Variants in DLGAP2 observed in about 807,000 individuals in gnomAD.
DLGAP2 encodes DLG associated protein 2.
Under a neutral mutation model 100.3 loss-of-function variants are expected in DLGAP2, and 26 were observed. The observed-to-expected ratio is 0.26, with a 90% confidence interval of 0.19 to 0.36. The LOEUF is 0.36. Ranked by LOEUF, DLGAP2 falls within the 10% of genes least tolerant of loss-of-function variation. DLGAP2 has a pLI of 1.00. For missense variants in DLGAP2, 1,858 were observed against 1,453.2 expected, an observed-to-expected ratio of 1.28 and a Z score of -4.53; for synonymous variants, 886 against 630.1, an observed-to-expected ratio of 1.41 and a Z score of -6.08.
intron 1 of DLGAP2, 186 bp downstream of exon 1, chr8:738,011 C>T (rs1188673449): frequency 6.3e-6 from 2 of 315,158 alleles, no homozygotes; most frequent in Non-Finnish European, 5.8e-6. Flanking sequence ...AGCCTGTGCT[C>T]GGGGGTCGCG....
At chr8:935,952 A>G (rs1335616432) in intron 2 of DLGAP2, among the ~76,000 whole-genome samples, 6 of 152,226 alleles carry the variant, frequency 3.9e-5, no homozygotes, top group Admixed American at 6.5e-5. Flanking sequence ...ACATTTAACA[A>G]TGATTGTTTC....
chr8:1,577,789 A>T (rs1009246818), intron 6 of DLGAP2, among the ~76,000 whole-genome samples: 2 of 152,058 alleles, frequency 1.3e-5, no homozygotes, highest in African/African-American at 4.8e-5. Context: ...CCACAGGGGC[A>T]CACAGCATGC....
chr8:1,131,728 G>T (rs1585090024), intron 2 of DLGAP2, among the ~76,000 whole-genome samples: 1 of 152,154 alleles, frequency 6.6e-6, no homozygotes, highest in African/African-American at 2.4e-5. Flanking sequence ...TTGGGGTTCT[G>T]GTAAGATATG....
At chr8:1,285,473 A>T (rs945328738) in intron 3 of DLGAP2, among the ~76,000 whole-genome samples, 6 of 152,180 alleles carry the variant, frequency 3.9e-5, no homozygotes, top group Non-Finnish European at 7.3e-5. Context: ...CCTGTCCTGG[A>T]GATGATGGAA....
At chr8:1,376,098 G>T (rs925740707) in intron 3 of DLGAP2, among the ~76,000 whole-genome samples, 1 of 139,858 alleles carries the variant, frequency 7.2e-6, no homozygotes, top group South Asian at 2.2e-4. Context: ...TTGGGTTAAC[G>T]ACACCTCTCC....
chr8:1,654,499 T>A (rs775712823), intron 8 of DLGAP2, among the ~76,000 whole-genome samples: 3 of 151,594 alleles, frequency 2.0e-5, no homozygotes, highest in Non-Finnish European at 4.4e-5. Flanking sequence ...CCATCTCTAC[T>A]AAAGATACAA....
intron 2 of DLGAP2, among the ~76,000 whole-genome samples, chr8:924,206 T>G (rs1406518670): frequency 1.3e-5 from 2 of 152,162 alleles, no homozygotes; most frequent in Non-Finnish European, 2.9e-5. Context: ...CCACTGCTGA[T>G]TATGTCTTGA....
At chr8:1,287,935 T>C (rs1799977406) in intron 3 of DLGAP2, among the ~76,000 whole-genome samples, 2 of 124,430 alleles carry the variant, frequency 1.6e-5, no homozygotes, top group Admixed American at 1.6e-4. Context: ...TAGTTTTGGT[T>C]CAGCGTGTGT....
chr8:1,554,234 G>C (rs539858293), intron 5 of DLGAP2, among the ~76,000 whole-genome samples: 2 of 152,272 alleles, frequency 1.3e-5, no homozygotes, highest in Non-Finnish European at 1.5e-5. Context: ...GTTGCAGTGA[G>C]CCAAGATCAC....
intron 1 of DLGAP2, among the ~76,000 whole-genome samples, chr8:829,888 C>T (rs1685831076): frequency 6.6e-6 from 1 of 152,210 alleles, no homozygotes; most frequent in Non-Finnish European, 1.5e-5. Context: ...TTCCCCATTA[C>T]ATGCGCACAC....
chr8:1,316,209 G>A (rs1227388919), intron 3 of DLGAP2, among the ~76,000 whole-genome samples: 2 of 106,754 alleles, frequency 1.9e-5, no homozygotes, highest in Non-Finnish European at 3.9e-5. Context: ...CTGTACGAGT[G>A]CAGCGTCTCT....
At chr8:1,671,612 A>G (rs1451905057) in intron 10 of DLGAP2, among the ~76,000 whole-genome samples, 1 of 152,208 alleles carries the variant, frequency 6.6e-6, no homozygotes, top group Non-Finnish European at 1.5e-5. Flanking sequence ...GTTTGAATTC[A>G]GGATTCTCAT....
chr8:820,289 G>A (rs1044929905), intron 1 of DLGAP2, among the ~76,000 whole-genome samples: 3 of 152,142 alleles, frequency 2.0e-5, no homozygotes, highest in Non-Finnish European at 2.9e-5. Flanking sequence ...TTTAAATTGT[G>A]GAATTGGGAA....
At chr8:1,098,089 A>G (rs1804448135) in intron 2 of DLGAP2, among the ~76,000 whole-genome samples, 1 of 152,248 alleles carries the variant, frequency 6.6e-6, no homozygotes, top group Non-Finnish European at 1.5e-5. Flanking sequence ...ATTTCCTTGC[A>G]ACGCAATTCT....
At chr8:1,209,396 C>T (rs767114374) in intron 2 of DLGAP2, among the ~76,000 whole-genome samples, 1 of 152,130 alleles carries the variant, frequency 6.6e-6, no homozygotes, top group Non-Finnish European at 1.5e-5. Context: ...TTTTCCTTCC[C>T]TACATTTTAA....
chr8:1,586,109 C>G (rs1320104681), intron 6 of DLGAP2, among the ~76,000 whole-genome samples: 1 of 152,254 alleles, frequency 6.6e-6, no homozygotes, highest in Non-Finnish European at 1.5e-5. Context: ...CAGCCAAGTC[C>G]TGCAGGTCAT....
At chr8:1,125,608 C>T (rs996867145) in intron 2 of DLGAP2, among the ~76,000 whole-genome samples, 1 of 152,178 alleles carries the variant, frequency 6.6e-6, no homozygotes, top group Non-Finnish European at 1.5e-5. Context: ...TTATGAAAGC[C>T]AGGTGATTTA....
chr8:1,338,841 T>C lies in DLGAP2; in HGVS notation c.106+79958T>C, dbSNP rs1311508417. On this transcript the variant is annotated intron_variant, in intron 3 of 14. Transcript: ENST00000637795. Reference sequence around the variant, plus strand: ...GTGACCTAAGGGAAGTGTCAGGACCTGGCAGGGAATGCAGTGACTTCAGTG... The same window carrying C: ...GTGACCTAAGGGAAGTGTCAGGACCCGGCAGGGAATGCAGTGACTTCAGTG... 9.8e-3 allele frequency among the ~76,000 whole-genome samples: 730 copies of C among 74,256 alleles called. 1 individual carries two copies. Among genetic ancestry groups the C allele is most frequent in the Middle Eastern group, 0.03 (4 of 134 alleles). The allele number at this position is 74,256 out of a possible 152,430, so 48.7% of individuals were successfully genotyped here. A position where few individuals can be genotyped will look rare whatever the true frequency, so the allele number is the denominator to read the frequency against.
Position 910,029 on chromosome 8 carries a change from G to A in DLGAP2, c.73+2063G>A, listed in dbSNP as rs117370585. 1.5e-4 allele frequency among the ~76,000 whole-genome samples: 23 copies of A among 152,316 alleles called. No homozygotes were observed. The East Asian group carries it at 4.4e-3, about 29-fold the overall frequency. On this transcript the variant is annotated intron_variant, in intron 2 of 14. Transcript: ENST00000637795. ...AGAGTTTTCGCAGTTTCTCATTAAG[G>A]AGATTAACTTTGGAATGGGCACCAA...
Sources: allele counts gnomAD v4.1 joint callset (sites outside exome capture counted in the v4.1 genomes callset), GRCh38; gene constraint gnomAD v4.1.1; transcripts MANE v1.5; gene names NCBI Gene and HGNC (gene_info 2026-07-23, HGNC 2026-07-21).